The following TMTC1 variants were observed in gnomAD, a reference collection of about 807,000 sequenced individuals.
TMTC1 encodes the protein protein O-mannosyl-transferase TMTC1.
In TMTC1, 73 loss-of-function variants were observed where a neutral mutation model predicts 104.8. That is an observed-to-expected ratio of 0.70 (90% CI 0.58 to 0.85). TMTC1 has a LOEUF of 0.85. TMTC1 is among the 40% of genes least tolerant of loss of function. The pLI, the probability that TMTC1 is intolerant of heterozygous loss-of-function variation, is 0.00. For synonymous variants in TMTC1, 434 were observed against 428.7 expected, an observed-to-expected ratio of 1.01 and a Z score of -0.15; for missense variants, 1,035 against 1,096.1, an observed-to-expected ratio of 0.94 and a Z score of 0.79.
intron 9 of TMTC1, chr12:29,569,102 A>C (rs981961493): frequency 7.1e-6 from 3 of 423,594 alleles, no homozygotes; most frequent in Admixed American, 5.0e-5. Flanking sequence ...TTGAATCTTA[A>C]ACTGAATACG....
chr12:29,543,516 G>T (rs148982068), intron 10 of TMTC1, among the ~76,000 whole-genome samples: 2 of 152,214 alleles, frequency 1.3e-5, no homozygotes, highest in Non-Finnish European at 2.9e-5. Context: ...ACCACAGTGT[G>T]AACTTGGAAT....
intron 11 of TMTC1, chr12:29,533,853 T>C (rs1277157972): frequency 6.6e-6 from 1 of 152,136 alleles, no homozygotes; most frequent in African/African-American, 2.4e-5. Context: ...CTGATGTAAA[T>C]ACAGAATGAA....
intron 1 of TMTC1, among the ~76,000 whole-genome samples, chr12:29,780,504 AG>A (rs1191993583): frequency 6.6e-6 from 1 of 152,242 alleles, no homozygotes; most frequent in African/African-American, 2.4e-5. Context: ...ATTATGGATT[AG>A]GCAGTTGTTA....
intron 10 of TMTC1, among the ~76,000 whole-genome samples, chr12:29,545,104 AG>A (rs1944904097): frequency 6.6e-6 from 1 of 151,566 alleles, no homozygotes; most frequent in African/African-American, 2.4e-5. Flanking sequence ...CTCTCCAGCA[AG>A]ATTCCCAGCT....
At chr12:29,707,154 G>A (rs1035135110) in intron 5 of TMTC1, among the ~76,000 whole-genome samples, 3 of 152,130 alleles carry the variant, frequency 2.0e-5, no homozygotes, top group Admixed American at 2.0e-4. Context: ...GGTGGCTTGG[G>A]AATAGGTTGG....
chr12:29,511,772 T>C (rs919189118), intron 17 of TMTC1, among the ~76,000 whole-genome samples: 10 of 152,170 alleles, frequency 6.6e-5, no homozygotes, highest in Admixed American at 6.5e-5. Context: ...ATACTTCCAT[T>C]AGGTACATAT....
chr12:29,761,161 T>C, intron 2 of TMTC1, among the ~76,000 whole-genome samples: 1 of 149,174 alleles, frequency 6.7e-6, no homozygotes, highest in Non-Finnish European at 1.5e-5. Flanking sequence ...TAAATTATAT[T>C]ATAATCTATA....
intron 7 of TMTC1, among the ~76,000 whole-genome samples, chr12:29,588,900 G>A (rs1946209386): frequency 6.7e-6 from 1 of 150,094 alleles, no homozygotes; most frequent in Admixed American, 6.6e-5. Flanking sequence ...GATAGTGTTA[G>A]GTCTTGGGAC....
chr12:29,720,029 C>G lies in TMTC1; in HGVS notation c.938+31637G>C, dbSNP rs1942193536. Reference sequence around the variant, plus strand: ...AGGGTTGCATGTCTTAAGGAACAACCCCATCTTGAGGACTCAGTAACTTAA... The same window carrying G: ...AGGGTTGCATGTCTTAAGGAACAACGCCATCTTGAGGACTCAGTAACTTAA... On this transcript the variant is annotated intron_variant, in intron 5 of 17. Coordinates refer to ENST00000539277, the MANE Select transcript of TMTC1 (RefSeq NM_001193451.2). Among the ~76,000 whole-genome samples, 6 of 152,078 alleles carry G rather than the reference C, an allele frequency of 3.9e-5. No individual in the cohort carries two copies. The South Asian group carries it at 1.2e-3, about 32-fold the overall frequency.
At chr12:29,670,413 G>A (rs1484108605) in intron 5 of TMTC1, among the ~76,000 whole-genome samples, 1 of 152,072 alleles carries the variant, frequency 6.6e-6, no homozygotes, top group Non-Finnish European at 1.5e-5. Flanking sequence ...TGTTGCAAGT[G>A]GGGAAACTGA....
At position 29,768,085 on chromosome 12, in the gene TMTC1, A is replaced by C. The variant is rs761004253; in HGVS notation, c.303-10T>G. 1 of 1,531,346 alleles carries C rather than the reference A, an allele frequency of 6.5e-7. No individual in the cohort carries two copies. The highest frequency in any genetic ancestry group is 1.4e-5 in the African/African-American group (1 of 71,756). The allele number at this position is 1,531,346 out of a possible 1,614,324, so 94.9% of individuals were successfully genotyped here. On this transcript the variant is annotated splice_polypyrimidine_tract_variant and intron_variant, in intron 1 of 17. Coordinates refer to ENST00000539277, the MANE Select transcript of TMTC1 (RefSeq NM_001193451.2). ...CAAAAATATGTTTAGCCTGTAAAAC[A>C]AAAGAAAAAAGAAAAAAACTGCATT... is the stretch of plus-strand genomic sequence containing the variant.
chr12:29,585,998 G>C (rs559695001), intron 7 of TMTC1, among the ~76,000 whole-genome samples: 7,804 of 152,056 alleles, frequency 0.051, 651 homozygotes, highest in African/African-American at 0.18. Context: ...AGCTTGATGG[G>C]GATGGCATTG....
intron 10 of TMTC1, 54 bp downstream of exon 10, chr12:29,556,803 A>C: frequency 1.2e-6 from 2 of 1,608,446 alleles, no homozygotes; most frequent in Non-Finnish European, 1.7e-6. Context: ...TTGAGAAGGA[A>C]AGAGTTTCTT....
At chr12:29,771,459 A>G (rs1454492949) in intron 1 of TMTC1, among the ~76,000 whole-genome samples, 3 of 152,208 alleles carry the variant, frequency 2.0e-5, no homozygotes, top group Admixed American at 6.5e-5. Flanking sequence ...TTTCATTTCA[A>G]TTTACACAAT....
chr12:29,708,012 C>T (rs1016169056), intron 5 of TMTC1, among the ~76,000 whole-genome samples: 12 of 152,212 alleles, frequency 7.9e-5, no homozygotes, highest in Non-Finnish European at 1.0e-4. Context: ...AAACGAGGTA[C>T]TCTGAGGAGA....
At chr12:29,589,106 C>A (rs2081429) in intron 7 of TMTC1, among the ~76,000 whole-genome samples, 73 of 152,122 alleles carry the variant, frequency 4.8e-4, no homozygotes, top group African/African-American at 1.7e-3. Flanking sequence ...TATGTAAAGC[C>A]CCGATTTACT....
chr12:29,756,750 G>C (rs902097877), intron 3 of TMTC1, among the ~76,000 whole-genome samples: 1 of 152,060 alleles, frequency 6.6e-6, no homozygotes, highest in African/African-American at 2.4e-5. Flanking sequence ...TGAAGTAAAG[G>C]CCAATGTTTC....
chr12:29,562,923 T>C, intron 9 of TMTC1, among the ~76,000 whole-genome samples: 1 of 152,296 alleles, frequency 6.6e-6, no homozygotes, highest in East Asian at 1.9e-4. Flanking sequence ...CTTCCTCACA[T>C]GGATTTTTCA....
At chr12:29,620,876 T>C (rs574966966) in intron 6 of TMTC1, among the ~76,000 whole-genome samples, 1 of 152,250 alleles carries the variant, frequency 6.6e-6, no homozygotes, top group African/African-American at 2.4e-5. Context: ...TGGTCAAGTC[T>C]CAGACAGAAC....
Sources: gnomAD v4.1 joint callset for allele counts (sites outside exome capture counted in the v4.1 genomes callset) on GRCh38, gnomAD v4.1.1 for gene constraint, MANE v1.5 for transcripts, NCBI Gene and HGNC (gene_info 2026-07-23, HGNC 2026-07-21) for gene names.